The following PSEN1 variants were observed in gnomAD, a reference collection of about 807,000 sequenced individuals.
The protein encoded by PSEN1 is presenilin 1.
PSEN1 carries 15 observed loss-of-function variants against 53.5 expected under a neutral mutation model. The ratio of observed to expected loss-of-function variants is 0.28; its 90% CI spans 0.19 to 0.43. The LOEUF (loss-of-function observed/expected upper bound fraction) is 0.43. Among genes scored for constraint, PSEN1 ranks in the 20% least tolerant of loss-of-function variants. The pLI, the probability that PSEN1 is intolerant of heterozygous loss-of-function variation, is 1.00. For synonymous variants in PSEN1, 208 were observed against 209.8 expected, an observed-to-expected ratio of 0.99 and a Z score of 0.08; for missense variants, 387 against 571.2, an observed-to-expected ratio of 0.68 and a Z score of 3.29.
chr14:73,192,359 T>G (rs550534396), intron 6 of PSEN1, among the ~76,000 whole-genome samples: 3 of 152,230 alleles, frequency 2.0e-5, no homozygotes, highest in South Asian at 2.1e-4. Context: ...GAAGACCACC[T>G]GATCTCCGGA....
intron 3 of PSEN1, among the ~76,000 whole-genome samples, chr14:73,163,456 T>C (rs79282794): frequency 1.5e-4 from 23 of 152,274 alleles, no homozygotes; most frequent in Admixed American, 3.9e-4. Context: ...ACAGGAGTCA[T>C]TCATTAATTA....
chr14:73,161,992 TAA>T (rs1179787685), intron 3 of PSEN1, among the ~76,000 whole-genome samples: 14 of 65,370 alleles, frequency 2.1e-4, no homozygotes, highest in African/African-American at 3.0e-4. Flanking sequence ...CCGTTTCCAC[TAA>T]AAAAAAAAAA....
At chr14:73,164,734 G>A (rs1215559751) in intron 3 of PSEN1, among the ~76,000 whole-genome samples, 3 of 152,150 alleles carry the variant, frequency 2.0e-5, no homozygotes, top group African/African-American at 7.2e-5. Context: ...GATAACATAA[G>A]TTAGAGACTT....
intron 10 of PSEN1, among the ~76,000 whole-genome samples, chr14:73,214,743 A>G (rs1899842789): frequency 6.6e-6 from 1 of 152,198 alleles, no homozygotes; most frequent in Non-Finnish European, 1.5e-5. Context: ...ACATCAGAGT[A>G]GTCAGAAAGT....
At chr14:73,190,557 A>G (rs998128752) in intron 6 of PSEN1, among the ~76,000 whole-genome samples, 11 of 152,008 alleles carry the variant, frequency 7.2e-5, no homozygotes, top group African/African-American at 1.2e-4. Context: ...TATGACATGT[A>G]TAGACTTTCT....
chr14:73,174,863 T>C (rs1474608507), intron 5 of PSEN1, among the ~76,000 whole-genome samples: 3 of 152,128 alleles, frequency 2.0e-5, no homozygotes, highest in Non-Finnish European at 4.4e-5. Context: ...TCTCAGCCTC[T>C]CCTCCCCTAG....
At chr14:73,143,321 A>T (rs1379892085) in intron 1 of PSEN1, among the ~76,000 whole-genome samples, 1 of 152,138 alleles carries the variant, frequency 6.6e-6, no homozygotes, top group Non-Finnish European at 1.5e-5. Flanking sequence ...TAGCATTGTG[A>T]TCTTTGGAAG....
intron 7 of PSEN1, 58 bp downstream of exon 7, chr14:73,192,922 T>C (rs1898785354): frequency 3.9e-6 from 5 of 1,287,872 alleles, no homozygotes; most frequent in Middle Eastern, 1.8e-4. Flanking sequence ...GAGTGTTTTC[T>C]TTCCTCATCT....
intron 1 of PSEN1, among the ~76,000 whole-genome samples, chr14:73,144,022 C>A (rs1480096080): frequency 3.4e-5 from 4 of 116,678 alleles, no homozygotes; most frequent in South Asian, 3.1e-4. Context: ...AAAAGATTTG[C>A]ATTATAGCTT....
Position 73,215,283 on chromosome 14 carries a change from G to A in PSEN1, c.1130-1843G>A, listed in dbSNP as rs371858400. Among the ~76,000 whole-genome samples the A allele has an allele frequency of 3.6e-4, 53 of 147,916 alleles. 1 individual carries two copies. In the South Asian group the frequency reaches 0.011, roughly 30 times the overall value. On this transcript the variant is annotated intron_variant, in intron 10 of 11. Transcript: ENST00000324501. ...GCCAAAAAAATTTTTTTTAAATACCGTTAAGAAGTGGAAAATAAGGCCAGG... is the reference window on the plus strand; with the variant it reads ...GCCAAAAAAATTTTTTTTAAATACCATTAAGAAGTGGAAAATAAGGCCAGG...
At chr14:73,188,758 G>A (rs1387235797) in intron 6 of PSEN1, among the ~76,000 whole-genome samples, 4 of 152,090 alleles carry the variant, frequency 2.6e-5, no homozygotes, top group Admixed American at 2.6e-4. Context: ...ATGAGATGGA[G>A]GTTTTCTTTT....
At chr14:73,209,957 A>G (rs367946310) in intron 9 of PSEN1, among the ~76,000 whole-genome samples, 1 of 152,240 alleles carries the variant, frequency 6.6e-6, no homozygotes, top group Non-Finnish European at 1.5e-5. Flanking sequence ...CTAAATGCCA[A>G]TAATGGCTTT....
chr14:73,222,513 A>C lies in PSEN1; in HGVS notation c.*3224A>C, dbSNP rs1478314814. 1 of 152,174 alleles carries C rather than the reference A, an allele frequency of 6.6e-6. No individual in the cohort carries two copies. The highest frequency in any genetic ancestry group is 1.5e-5 in the Non-Finnish European group (1 of 68,024). 9.4% of individuals were successfully genotyped at this position (152,174 alleles called of 1,614,324 possible). On this transcript the variant is annotated 3_prime_UTR_variant, in exon 12 of 12. Transcript: ENST00000324501. ...CGGGAAGCCTTTGATCCCAACCCCC[A>C]AGGCTTTGTATATTTGATCATTTGT...
At chr14:73,207,116 G>A (rs10142471) in intron 9 of PSEN1, among the ~76,000 whole-genome samples, 2,382 of 151,842 alleles carry the variant, frequency 0.016, 61 homozygotes, top group African/African-American at 0.053. Context: ...AAGGAGTTCC[G>A]GATTACCCTG....
At chr14:73,149,327 T>C (rs1338735632) in intron 3 of PSEN1, among the ~76,000 whole-genome samples, 2 of 152,068 alleles carry the variant, frequency 1.3e-5, no homozygotes, top group Non-Finnish European at 2.9e-5. Context: ...CTGTGTTTTT[T>C]TTTTTTTAAT....
chr14:73,156,393 A>G (rs1034886132), intron 3 of PSEN1, among the ~76,000 whole-genome samples: 3 of 151,106 alleles, frequency 2.0e-5, no homozygotes, highest in Non-Finnish European at 1.5e-5. Context: ...TATAAATAAA[A>G]ATAATATTTT....
intron 3 of PSEN1, among the ~76,000 whole-genome samples, chr14:73,154,272 C>T (rs1186243632): frequency 6.6e-6 from 1 of 151,966 alleles, no homozygotes; most frequent in Non-Finnish European, 1.5e-5. Flanking sequence ...ATAAAATTAC[C>T]TAAATTCATA....
chr14:73,211,780 G>T lies in PSEN1; in HGVS notation c.967G>T (p.Glu323Ter), dbSNP rs1899693911. The T allele has an allele frequency of 6.2e-7, 1 of 1,614,002 alleles. No homozygotes were observed. Among genetic ancestry groups the T allele is most frequent in the Non-Finnish European group, 8.5e-7 (1 of 1,179,962 alleles). Residue 323 changes from glutamate to a stop codon, truncating the protein, a stop_gained, in exon 10 of 12, where the codon GAG (glutamate) becomes TAG (stop). Transcript: ENST00000324501. LOFTEE classifies it high-confidence loss of function. ...SKYNAESTER[E>*]SQDTVAENDD... ...ACTTTCTCTTGAAGGCACAGAAAGG[G>T]AGTCACAAGACACTGTTGCAGAGAA... is the stretch of plus-strand genomic sequence containing the variant.
At chr14:73,198,255 C>A in intron 8 of PSEN1, 126 bp downstream of exon 8, 1 of 671,958 alleles carries the variant, frequency 1.5e-6, no homozygotes, top group Non-Finnish European at 2.7e-6. Flanking sequence ...TCCTGGAACT[C>A]CTGCAGATCT....
Sources: gnomAD v4.1 joint callset for allele counts (sites outside exome capture counted in the v4.1 genomes callset) on GRCh38, gnomAD v4.1.1 for gene constraint, MANE v1.5 for transcripts, NCBI Gene and HGNC (gene_info 2026-07-23, HGNC 2026-07-21) for gene names.